EDEM2: variants seen among roughly 807,000 people sequenced by gnomAD.
EDEM2 encodes ER degradation enhancing alpha-mannosidase like protein 2.
In EDEM2, 39 loss-of-function variants were observed where a neutral mutation model predicts 64.8. The observed-to-expected ratio is 0.60, with a 90% CI of 0.47 to 0.79. The LOEUF (loss-of-function observed/expected upper bound fraction) is 0.79, where lower values mean the gene tolerates loss of function less well. Ranked by LOEUF, EDEM2 falls within the 30% of genes least tolerant of loss-of-function variation. The pLI is 0.00. For synonymous variants in EDEM2, 296 were observed against 291.5 expected (o/e 1.02, Z -0.16); for missense variants, 609 against 731.3 (o/e 0.83, Z 1.93).
At position 35,146,866 on chromosome 20, in the gene EDEM2, C is replaced by T. The variant is rs2085740726; in HGVS notation, c.177G>A (p.Glu59=). 1.2e-6 allele frequency: 2 copies of T among 1,614,176 alleles called. No homozygotes were observed. Among genetic ancestry groups the T allele is most frequent in the African/African-American group, 1.3e-5 (1 of 75,058 alleles). ...SYLENAFPFD[E]LRPLTCDGHD... is the part of the protein sequence containing the mutation. ...GCCCGTCACAGGTGAGAGGTCGCAG[C>T]TCATCGAAGGGAAAGGCATTCTCCA... Residue 59 remains glutamate (E), a synonymous_variant, in exon 2 of 11, where the codon GAG becomes GAA. Transcript: ENST00000374492.
intron 10 of EDEM2, chr20:35,118,380 TA>T: frequency 1.7e-6 from 1 of 597,112 alleles, no homozygotes; most frequent in Non-Finnish European, 2.8e-6. Flanking sequence ...CCCAAGGAAC[TA>T]ATTCTAGCTC....
intron 9 of EDEM2, 148 bp from the exon 10 acceptor site, chr20:35,118,867 G>T (rs1476038727): frequency 1.7e-6 from 2 of 1,189,458 alleles, no homozygotes; most frequent in Non-Finnish European, 2.3e-6. Context: ...CCAGTGCTGA[G>T]TTTCAGAGCC....
intron 7 of EDEM2, among the ~76,000 whole-genome samples, chr20:35,127,405 C>T (rs2085448697): frequency 6.6e-6 from 1 of 152,240 alleles, no homozygotes; most frequent in Non-Finnish European, 1.5e-5. Context: ...AGACAAAATC[C>T]AGCCTTCAGA....
intron 6 of EDEM2, 83 bp from the exon 7 acceptor site, chr20:35,131,866 AG>A (rs2146101872): frequency 1.3e-6 from 2 of 1,502,648 alleles, no homozygotes; most frequent in Non-Finnish European, 1.8e-6. Flanking sequence ...CTGACTGCCC[AG>A]GGAGATGCAG....
chr20:35,139,851 CA>C (rs11476990), intron 4 of EDEM2, among the ~76,000 whole-genome samples: 57,037 of 151,404 alleles, frequency 0.38, 12,589 homozygotes, highest in East Asian at 0.64. Context: ...TTTTCCATAA[CA>C]AAAAGTTTTT....
Position 35,118,705 on chromosome 20 carries a change from C to T in EDEM2, c.1129G>A (p.Ala377Thr), listed in dbSNP as rs1201174965. Residue 377 changes from alanine (A) to threonine (T), a missense_variant, in exon 10 of 11, where the codon GCA (alanine) becomes ACA (threonine). Coordinates refer to ENST00000374492, the MANE Select transcript of EDEM2 (RefSeq NM_018217.3). Reference protein sequence around the residue: ...YPLRPELIESAMYLYRATGDP... With the variant: ...YPLRPELIESTMYLYRATGDP... ...CCCGTGGCACGGTAGAGGTACATTG[C>T]GCTTTCAATAAGTTCTGCAAAGTCC... is the stretch of plus-strand genomic sequence containing the variant. 16 of 1,612,370 alleles carry T rather than the reference C, an allele frequency of 9.9e-6. No homozygotes were observed. The highest frequency in any genetic ancestry group is 8.3e-5 in the Admixed American group (5 of 60,004).
At chr20:35,119,540 C>T (rs575272179) in intron 9 of EDEM2, among the ~76,000 whole-genome samples, 1 of 152,140 alleles carries the variant, frequency 6.6e-6, no homozygotes, top group African/African-American at 2.4e-5. Flanking sequence ...CTGCAGTGAG[C>T]CATGATTAAG....
intron 4 of EDEM2, among the ~76,000 whole-genome samples, chr20:35,139,451 C>T (rs1321055531): frequency 6.7e-6 from 1 of 149,452 alleles, no homozygotes; most frequent in African/African-American, 2.5e-5. Flanking sequence ...GAGTTCGTGA[C>T]CAGCCTGGTA....
At chr20:35,133,290 G>C (rs192058095) in intron 6 of EDEM2, among the ~76,000 whole-genome samples, 5 of 152,036 alleles carry the variant, frequency 3.3e-5, no homozygotes, top group Admixed American at 6.6e-5. Context: ...CACCAGAGGA[G>C]ACCCACAGGC....
chr20:35,141,431 G>T (rs890342714), intron 4 of EDEM2, among the ~76,000 whole-genome samples: 1 of 152,126 alleles, frequency 6.6e-6, no homozygotes, highest in Non-Finnish European at 1.5e-5. Context: ...GACAAACTGG[G>T]CTCAGAAGCT....
intron 8 of EDEM2, among the ~76,000 whole-genome samples, chr20:35,125,836 G>A (rs6088727): frequency 0.52 from 78,685 of 152,086 alleles, 22,790 homozygotes; most frequent in Admixed American, 0.68. Flanking sequence ...TAAGCTCTAA[G>A]ATCCTTCCAG....
chr20:35,116,836 C>T (rs1375339292), intron 10 of EDEM2, among the ~76,000 whole-genome samples: 1 of 151,866 alleles, frequency 6.6e-6, no homozygotes, highest in Non-Finnish European at 1.5e-5. Flanking sequence ...GTTGCCCAGG[C>T]TGGAGTGCAA....
chr20:35,134,079 T>C (rs909781961), intron 6 of EDEM2: 1 of 456,214 alleles, frequency 2.2e-6, no homozygotes, highest in African/African-American at 2.0e-5. Flanking sequence ...TCTTATTGAT[T>C]ATCCCATTTA....
intron 6 of EDEM2, among the ~76,000 whole-genome samples, chr20:35,133,742 C>T (rs11906726): frequency 0.033 from 4,958 of 152,234 alleles, 266 homozygotes; most frequent in African/African-American, 0.11. Context: ...GCTGGAATTA[C>T]AGGCGTGAGC....
intron 2 of EDEM2, 112 bp downstream of exon 2, chr20:35,146,713 G>C: frequency 8.6e-7 from 1 of 1,165,642 alleles, no homozygotes; most frequent in Non-Finnish European, 1.2e-6. Flanking sequence ...GCTCAGCTGG[G>C]AGCTTTCTGG....
At chr20:35,131,404 A>G (rs1257272005) in intron 7 of EDEM2, among the ~76,000 whole-genome samples, 3 of 152,088 alleles carry the variant, frequency 2.0e-5, no homozygotes, top group Non-Finnish European at 4.4e-5. Flanking sequence ...TACAAAAATT[A>G]GCTGGATGTG....
chr20:35,118,418 G>T (rs2085331881), intron 10 of EDEM2, 180 bp downstream of exon 10: 1 of 877,242 alleles, frequency 1.1e-6, no homozygotes, highest in Non-Finnish European at 1.7e-6. Context: ...GAGATCTTTA[G>T]CAAGGCACTT....
chr20:35,131,935 C>T, intron 6 of EDEM2, 152 bp from the exon 7 acceptor site: 4 of 880,826 alleles, frequency 4.5e-6, no homozygotes, highest in Non-Finnish European at 5.1e-6. Flanking sequence ...AAGGGCAATG[C>T]TGGATCATGG....
intron 7 of EDEM2, among the ~76,000 whole-genome samples, chr20:35,127,399 A>C (rs139546339): frequency 2.6e-4 from 39 of 152,342 alleles, no homozygotes; most frequent in African/African-American, 9.1e-4. Flanking sequence ...TAAACAAGAC[A>C]AAATCCAGCC....
Sources: gnomAD v4.1 joint callset for allele counts (sites outside exome capture counted in the v4.1 genomes callset) on GRCh38, gnomAD v4.1.1 for gene constraint, MANE v1.5 for transcripts, NCBI Gene and HGNC (gene_info 2026-07-23, HGNC 2026-07-21) for gene names.